LMOD2: variants seen among roughly 807,000 people sequenced by gnomAD.
The protein encoded by LMOD2 is leiomodin 2, also known as leiomodin-2.
Under a neutral mutation model 41.7 loss-of-function variants are expected in LMOD2, and 27 were observed. That is an observed-to-expected ratio of 0.65 (90% CI 0.48 to 0.89). The LOEUF is 0.89. LMOD2 is among the 40% of genes least tolerant of loss of function. The pLI is 0.00. For synonymous variants in LMOD2, 251 were observed against 244.6 expected (o/e 1.03, Z -0.25); for missense variants, 624 against 667.9 (o/e 0.93, Z 0.72).
intron 1 of LMOD2, among the ~76,000 whole-genome samples, chr7:123,661,377 A>T (rs1584842909): frequency 6.6e-6 from 1 of 152,230 alleles, no homozygotes; most frequent in South Asian, 2.1e-4. Context: ...TGAATTAAAA[A>T]GGGAAACTCA....
At chr7:123,660,812 G>A (rs1006553621) in intron 1 of LMOD2, among the ~76,000 whole-genome samples, 1 of 151,784 alleles carries the variant, frequency 6.6e-6, no homozygotes, top group African/African-American at 2.4e-5. Flanking sequence ...AGCAAATCTT[G>A]TAAACAGGAA....
In LMOD2 at chr7:123,662,506, G is replaced by A. The variant is rs1190927162; in HGVS notation, c.920G>A (p.Arg307Lys). 1.2e-6 allele frequency: 2 copies of A among 1,613,752 alleles called. No homozygotes were observed. Among genetic ancestry groups the A allele is most frequent in the Admixed American group, 1.7e-5 (1 of 60,002 alleles). The part of the protein sequence containing the change: ...VLTELRFHNQ[R>K]HIMGSQVEME... ...ACGGAGCTGCGTTTCCATAACCAGA[G>A]GCACATCATGGGCAGCCAGGTGGAA... Residue 307 changes from arginine (R) to lysine (K), a missense_variant, in exon 2 of 3, where the codon AGG becomes AAG. Physicochemically the swap from Arg to Lys is conservative, Grantham distance 26. Coordinates refer to ENST00000458573, the MANE Select transcript of LMOD2 (RefSeq NM_207163.3). The surrounding 1 kb of genome is among the most constrained non-coding windows in gnomAD (Gnocchi z 4.0).
intron 1 of LMOD2, among the ~76,000 whole-genome samples, chr7:123,657,472 T>C (rs1478844821): frequency 1.3e-5 from 2 of 152,156 alleles, no homozygotes; most frequent in Admixed American, 6.5e-5. Context: ...GAAGGGCCAC[T>C]GGGATCTGGC....
In LMOD2 at chr7:123,663,151, A is replaced by G; in HGVS notation, c.1565A>G (p.His522Arg). Residue 522 changes from histidine (H) to arginine (R), a missense_variant, in exon 2 of 3, where the codon CAT (histidine) becomes CGT (arginine). His to Arg is a conservative substitution (Grantham distance 29). Coordinates refer to ENST00000458573, the MANE Select transcript of LMOD2 (RefSeq NM_207163.3). ...CCTTCTACCCCACAGAGATCAGCTC[A>G]TGAGAATCTCATGGAAGCAATTCGG... The part of the protein sequence containing the change: ...SRPSTPQRSA[H>R]ENLMEAIRGS... 1 of 1,571,012 alleles carries G rather than the reference A, an allele frequency of 6.4e-7. No homozygotes were observed. Among genetic ancestry groups the G allele is most frequent in the Non-Finnish European group, 8.6e-7 (1 of 1,157,748 alleles).
chr7:123,660,426 T>G (rs1411963810), intron 1 of LMOD2, among the ~76,000 whole-genome samples: 2 of 150,854 alleles, frequency 1.3e-5, no homozygotes, highest in Non-Finnish European at 2.9e-5. Flanking sequence ...ATCCCAGGAG[T>G]GGCTGACCCC....
Position 123,663,174 on chromosome 7 carries a change from C to A in LMOD2, c.1588C>A (p.Arg530=). 2 of 1,569,764 alleles carry A rather than the reference C, an allele frequency of 1.3e-6. No homozygotes were observed. The highest frequency in any genetic ancestry group is 2.4e-5 in the East Asian group (1 of 42,314). Residue 530 remains arginine, a synonymous_variant, in exon 2 of 3, where the codon CGG becomes AGG. Transcript: ENST00000458573. ...TCATGAGAATCTCATGGAAGCAATT[C>A]GGGGAAGCAGCATAAAACAGCTAAA... The part of the protein sequence containing the change: ...SAHENLMEAI[R]GSSIKQLKRV...
chr7:123,663,031 G>A lies in LMOD2; in HGVS notation c.1445G>A (p.Gly482Glu). Residue 482 changes from glycine to glutamate, a missense_variant, in exon 2 of 3, where the codon GGG becomes GAG. Transcript: ENST00000458573. Reference protein sequence around the residue: ...ALQNGQKKKKGKKVKKQPNSI... With the variant: ...ALQNGQKKKKEKKVKKQPNSI... ...CAAAATGGACAAAAAAAGAAAAAAG[G>A]GAAAAAGGTCAAGAAACAGCCAAAC... The A allele has an allele frequency of 6.4e-7, 1 of 1,552,590 alleles. No individual in the cohort carries two copies. Among genetic ancestry groups the A allele is most frequent in the Non-Finnish European group, 8.7e-7 (1 of 1,148,142 alleles).
intron 1 of LMOD2, among the ~76,000 whole-genome samples, chr7:123,658,182 A>G (rs1285172196): frequency 6.6e-6 from 1 of 152,082 alleles, no homozygotes; most frequent in Non-Finnish European, 1.5e-5. Flanking sequence ...ATCCCTGCCA[A>G]TGGCTTATCA....
In LMOD2 at chr7:123,662,872, CT is replaced by C. The variant is rs1802908058; in HGVS notation, c.1287del (p.Pro430LeufsTer64). The C allele has an allele frequency of 6.4e-7, 1 of 1,553,946 alleles. No individual in the cohort carries two copies. Among genetic ancestry groups the C allele is most frequent in the African/African-American group, 1.4e-5 (1 of 73,112 alleles). On this transcript the variant is annotated frameshift_variant, in exon 2 of 3. Coordinates refer to ENST00000458573, the MANE Select transcript of LMOD2 (RefSeq NM_207163.3). LOFTEE classifies it high-confidence loss of function. This position sits in a 1 kb window ranked among gnomAD's most constrained non-coding sequence, Gnocchi z 4.0. ...CCTCCTCCTCCTCCCCCTCCTCCTC[CT>C]CCTCCCCCTCCTTCTTCCCAAAGGC... ...ATPPPPPPPPPPPPPSSQRLP... is the reference protein window; with the variant it reads ...ATPPPPPPPPXPPPPSSQRLP...
In LMOD2 at chr7:123,663,830, C is replaced by G. The variant is rs376409018; in HGVS notation, c.*85C>G. 6 of 1,103,006 alleles carry G rather than the reference C, an allele frequency of 5.4e-6. No individual in the cohort carries two copies. The highest frequency in any genetic ancestry group is 4.5e-5 in the Admixed American group (2 of 44,164). 68.3% of individuals were successfully genotyped at this position (1,103,006 alleles called of 1,614,324 possible). A position where few individuals can be genotyped will look rare whatever the true frequency, so the allele number is the denominator to read the frequency against. On this transcript the variant is annotated 3_prime_UTR_variant, in exon 3 of 3. Transcript: ENST00000458573. ...TGAGATGTTTCTAAAATACCTTCTT[C>G]AATTCAAAATGATCCCTGACTTTAA...
At chr7:123,663,367 C>A (rs1241530484) in intron 2 of LMOD2, 164 bp downstream of exon 2, 3 of 865,250 alleles carry the variant, frequency 3.5e-6, no homozygotes, top group Non-Finnish European at 5.2e-6. Context: ...AGCAGGCACA[C>A]AAGTGAGCAC....
chr7:123,662,074 C>G lies in LMOD2; in HGVS notation c.488C>G (p.Pro163Arg). ...YDSVNSDNSK[P>R]KIFKSQIENI... ...AGTGTCAATTCTGACAACTCTAAGC[C>G]AAAGATATTTAAAAGTCAAATAGAG... The change falls in exon 2 of 3, where the codon CCA (proline) becomes CGA (arginine). Residue 163 changes from proline (P) to arginine (R), a missense_variant. Transcript: ENST00000458573. The surrounding 1 kb of genome is among the most constrained non-coding windows in gnomAD (Gnocchi z 4.0). 6.2e-7 allele frequency: 1 copy of G among 1,606,184 alleles called. No homozygotes were observed. Among genetic ancestry groups the G allele is most frequent in the Non-Finnish European group, 8.5e-7 (1 of 1,175,906 alleles).
intron 2 of LMOD2, 186 bp from the exon 3 acceptor site, chr7:123,663,533 C>T: frequency 1.6e-6 from 1 of 612,626 alleles, no homozygotes; most frequent in Non-Finnish European, 2.8e-6. Flanking sequence ...AAAATTTTAC[C>T]ACAGAGTTGT....
chr7:123,658,380 CTGGG>C (rs1304877237), intron 1 of LMOD2, among the ~76,000 whole-genome samples: 10 of 152,268 alleles, frequency 6.6e-5, no homozygotes, highest in Non-Finnish European at 8.8e-5. Flanking sequence ...TGTTGGGTGG[CTGGG>C]GGAGCAAGGT....
rs1181765862 is a variant in LMOD2, at chr7:123,662,836, C to T, written c.1250C>T (p.Pro417Leu). The T allele has an allele frequency of 1.2e-6, 2 of 1,611,748 alleles. No individual in the cohort carries two copies. The highest frequency in any genetic ancestry group is 1.7e-6 in the Non-Finnish European group (2 of 1,179,134). ...VQTVRSRPLS[P>L]VATPPPPPPP... ...ACTGTGAGGAGCCGTCCTCTGTCTC[C>T]TGTGGCCACACCTCCTCCTCCTCCC... The change falls in exon 2 of 3, where the codon CCT (proline) becomes CTT (leucine). Residue 417 changes from proline (P) to leucine (L), a missense_variant. Pro to Leu is a moderately conservative substitution (Grantham distance 98). Coordinates refer to ENST00000458573, the MANE Select transcript of LMOD2 (RefSeq NM_207163.3). The surrounding 1 kb of genome is among the most constrained non-coding windows in gnomAD (Gnocchi z 4.0).
intron 1 of LMOD2, 27 bp downstream of exon 1, chr7:123,656,263 T>G: frequency 6.3e-7 from 1 of 1,581,822 alleles, no homozygotes; most frequent in South Asian, 1.2e-5. Flanking sequence ...TTTCCTTGGC[T>G]AACCCCACCT....
chr7:123,656,732 G>T (rs922984704), intron 1 of LMOD2, among the ~76,000 whole-genome samples: 2 of 152,214 alleles, frequency 1.3e-5, no homozygotes, highest in African/African-American at 4.8e-5. Flanking sequence ...AGTGTGGGGT[G>T]GTGGGAAGTA....
Position 123,663,932 on chromosome 7 carries a change from ATTTC to A in LMOD2, c.*191_*194del, listed in dbSNP as rs925331714. The A allele has an allele frequency of 6.9e-6, 4 of 582,884 alleles. No homozygotes were observed. The highest frequency in any genetic ancestry group is 1.2e-5 in the Non-Finnish European group (4 of 338,898). 36.1% of individuals were successfully genotyped at this position (582,884 alleles called of 1,614,324 possible). On this transcript the variant is annotated 3_prime_UTR_variant, in exon 3 of 3. Coordinates refer to ENST00000458573, the MANE Select transcript of LMOD2 (RefSeq NM_207163.3). ...GTTTCTTCTGTAAATATGAAAATAA[ATTTC>A]TTTTTTATGTCGTGAGATTTGTATT...
At chr7:123,656,667 G>T (rs1353586021) in intron 1 of LMOD2, among the ~76,000 whole-genome samples, 1 of 152,176 alleles carries the variant, frequency 6.6e-6, no homozygotes. Context: ...GGGAACGCTG[G>T]TTGCTTTGAC....
Sources: gnomAD v4.1 joint callset for allele counts (sites outside exome capture counted in the v4.1 genomes callset) on GRCh38, gnomAD v4.1.1 for gene constraint, Gnocchi (gnomAD v3.1) non-coding constraint, MANE v1.5 for transcripts, NCBI Gene and HGNC (gene_info 2026-07-23, HGNC 2026-07-21) for gene names.